PHTF2: variants seen among roughly 807,000 people sequenced by gnomAD.
The protein encoded by PHTF2 is putative homeodomain transcription factor 2, also known as protein PHTF2.
Under a neutral mutation model 101.2 loss-of-function variants are expected in PHTF2, and 60 were observed. The ratio of observed to expected loss-of-function variants is 0.59; its 90% CI spans 0.48 to 0.73. PHTF2 has a LOEUF of 0.73. Ranked by LOEUF, PHTF2 falls within the 30% of genes least tolerant of loss-of-function variation. The pLI, the probability that PHTF2 is intolerant of heterozygous loss-of-function variation, is 0.00. For missense variants in PHTF2, 747 were observed against 908.7 expected (o/e 0.82, Z 2.29); for synonymous variants, 311 against 307.3 (o/e 1.01, Z -0.13).
intron 7 of PHTF2, among the ~76,000 whole-genome samples, chr7:77,902,876 A>T (rs1801526139): frequency 6.6e-6 from 1 of 152,172 alleles, no homozygotes; most frequent in African/African-American, 2.4e-5. Flanking sequence ...CATCTTATAT[A>T]CATAAAAGGG....
intron 7 of PHTF2, chr7:77,906,210 A>C (rs1328180441): frequency 6.6e-6 from 1 of 151,630 alleles, no homozygotes; most frequent in African/African-American, 2.4e-5. Context: ...CTGGTCTCAA[A>C]CTCCTGACCT....
chr7:77,922,528 GTA>G, intron 10 of PHTF2, 93 bp from the exon 10 acceptor site: 1 of 885,206 alleles, frequency 1.1e-6, no homozygotes, highest in Non-Finnish European at 1.7e-6. Flanking sequence ...GAAGTTGTGT[GTA>G]TATATGTATG....
chr7:77,916,248 T>G (rs1802915885), intron 9 of PHTF2, among the ~76,000 whole-genome samples: 1 of 152,222 alleles, frequency 6.6e-6, no homozygotes, highest in South Asian at 2.1e-4. Context: ...GTTTTTTAAA[T>G]AAGTCTCTCA....
chr7:77,873,656 G>C (rs181531878), intron 3 of PHTF2, among the ~76,000 whole-genome samples: 2 of 152,122 alleles, frequency 1.3e-5, no homozygotes, highest in Non-Finnish European at 2.9e-5. Flanking sequence ...AGCATGGGTC[G>C]GGGAGGGGAT....
At chr7:77,867,219 A>C (rs1798138439) in intron 3 of PHTF2, among the ~76,000 whole-genome samples, 1 of 152,224 alleles carries the variant, frequency 6.6e-6, no homozygotes, top group Admixed American at 6.5e-5. Flanking sequence ...AGCCCACAGA[A>C]GGTAATACAG....
intron 12 of PHTF2, among the ~76,000 whole-genome samples, chr7:77,931,769 TATA>T (rs1421518557): frequency 6.6e-6 from 1 of 152,134 alleles, no homozygotes; most frequent in Non-Finnish European, 1.5e-5. Context: ...AAGTTGAAAA[TATA>T]ATAGCCAATA....
intron 18 of PHTF2, among the ~76,000 whole-genome samples, 187 bp from the exon 18 acceptor site, chr7:77,953,582 C>G (rs1212228305): frequency 1.3e-5 from 2 of 152,050 alleles, no homozygotes; most frequent in Admixed American, 1.3e-4. Flanking sequence ...TTCCTTTTTC[C>G]TTTAAAACCA....
chr7:77,817,054 C>G (rs950852419), intron 1 of PHTF2, among the ~76,000 whole-genome samples: 31 of 152,262 alleles, frequency 2.0e-4, no homozygotes, highest in African/African-American at 7.2e-4. Flanking sequence ...CATCAATATA[C>G]TGATTTTCTT....
intron 12 of PHTF2, among the ~76,000 whole-genome samples, chr7:77,933,025 T>C (rs1804751096): frequency 6.6e-6 from 1 of 152,014 alleles, no homozygotes; most frequent in South Asian, 2.1e-4. Context: ...GATCACAAGG[T>C]TAGGAGATCG....
intron 3 of PHTF2, among the ~76,000 whole-genome samples, chr7:77,886,116 C>G (rs1482617159): frequency 6.6e-6 from 1 of 152,150 alleles, no homozygotes; most frequent in Non-Finnish European, 1.5e-5. Context: ...TCTAAGCACT[C>G]AGTCTAATTA....
rs35858966 is a variant in PHTF2 at position 77,802,086 on chromosome 7, G to A, written c.-36+3115G>A. ...CCACTGAAGCCTTAAAGGTCTGAAGGTGGTGTTTGTAGGTGGAGAAAGAGG... is the reference window on the plus strand; with the variant it reads ...CCACTGAAGCCTTAAAGGTCTGAAGATGGTGTTTGTAGGTGGAGAAAGAGG... On this transcript the variant is annotated intron_variant, in intron 1 of 19. Coordinates refer to ENST00000416283, the Ensembl canonical transcript of PHTF2. Among the ~76,000 whole-genome samples the A allele has an allele frequency of 1.0e-3, 152 of 152,332 alleles. 1 individual carries two copies. The highest frequency in any genetic ancestry group is 1.9e-3 in the Non-Finnish European group (126 of 68,038).
chr7:77,866,372 AT>A (rs1299086469), intron 3 of PHTF2, among the ~76,000 whole-genome samples: 1 of 152,142 alleles, frequency 6.6e-6, no homozygotes, highest in Non-Finnish European at 1.5e-5. Context: ...TCCAGTGCAA[AT>A]AATGTGCAGT....
At chr7:77,833,961 T>G (rs781117958) in intron 1 of PHTF2, among the ~76,000 whole-genome samples, 1 of 152,130 alleles carries the variant, frequency 6.6e-6, no homozygotes, top group Admixed American at 6.5e-5. Flanking sequence ...TTCTGTACAT[T>G]ATTGGAATTG....
At chr7:77,923,016 ATTGT>A in intron 11 of PHTF2, 1 of 1,177,318 alleles carries the variant, frequency 8.5e-7, no homozygotes, top group Non-Finnish European at 1.1e-6. Context: ...AGACTCATAC[ATTGT>A]TTGTTGTTTG....
rs1408776461 is a variant in PHTF2 at position 77,860,622 on chromosome 7, A to G, written c.147+5788A>G. Among the ~76,000 whole-genome samples, 6 of 152,336 alleles carry G rather than the reference A, an allele frequency of 3.9e-5. No homozygotes were observed. The South Asian group carries it at 1.2e-3, about 32-fold the overall frequency. On this transcript the variant is annotated intron_variant, in intron 3 of 19. Transcript: ENST00000416283. ...TTGGTGTATAGTAGGTATTCAATAA[A>G]TACTGCTATAGCACTTCCTCTCCCT...
chr7:77,805,716 T>C (rs1012601364), intron 1 of PHTF2, among the ~76,000 whole-genome samples: 1 of 152,252 alleles, frequency 6.6e-6, no homozygotes, highest in African/African-American at 2.4e-5. Context: ...TTTTCAGATA[T>C]TTTTTCCTTA....
chr7:77,898,811 A>G (rs1280122052), intron 5 of PHTF2, among the ~76,000 whole-genome samples: 1 of 151,920 alleles, frequency 6.6e-6, no homozygotes, highest in Non-Finnish European at 1.5e-5. Flanking sequence ...TTTATTTTAT[A>G]TTGTTTGGGA....
intron 1 of PHTF2, among the ~76,000 whole-genome samples, chr7:77,835,296 A>G (rs1795369604): frequency 6.6e-6 from 1 of 151,916 alleles, no homozygotes; most frequent in South Asian, 2.1e-4. Context: ...AAACAAGAAA[A>G]AAAAAAGAAA....
intron 15 of PHTF2, 101 bp from the exon 15 acceptor site, chr7:77,942,599 G>T (rs1339309416): frequency 5.2e-6 from 3 of 574,708 alleles, no homozygotes; most frequent in African/African-American, 3.8e-5. Flanking sequence ...TCAACTGATG[G>T]TGATGAGTCA....
Sources: allele counts gnomAD v4.1 joint callset (sites outside exome capture counted in the v4.1 genomes callset), GRCh38; gene constraint gnomAD v4.1.1; transcripts MANE v1.5; gene names NCBI Gene and HGNC (gene_info 2026-07-23, HGNC 2026-07-21).